The following RNF157 variants were observed in gnomAD, a reference collection of about 807,000 sequenced individuals.
RNF157 encodes ring finger protein 157.
Under a neutral mutation model 88.3 loss-of-function variants are expected in RNF157, and 55 were observed. The ratio of observed to expected loss-of-function variants is 0.62; its 90% CI spans 0.50 to 0.78. The LOEUF is 0.78. Among genes scored for constraint, RNF157 ranks in the 30% least tolerant of loss-of-function variants. The pLI is 0.00. For synonymous variants in RNF157, 334 were observed against 341.2 expected, an observed-to-expected ratio of 0.98 and a Z score of 0.23; for missense variants, 788 against 860.8, an observed-to-expected ratio of 0.92 and a Z score of 1.06.
intron 2 of RNF157, among the ~76,000 whole-genome samples, chr17:76,175,993 T>C (rs1010540416): frequency 1.3e-5 from 2 of 152,226 alleles, no homozygotes; most frequent in African/African-American, 4.8e-5. Flanking sequence ...AGGCTCTCCC[T>C]GTACACACAC....
chr17:76,158,389 T>G lies in RNF157; in HGVS notation c.1413+4A>C. On this transcript the variant is annotated splice_donor_region_variant and intron_variant, in intron 13 of 18. Transcript: ENST00000269391. ...CCCAAGAAGAGGAGAGGAATGTCAA[T>G]TACCTCTCCGAGATGCTGAACCGAC... 6.3e-7 allele frequency: 1 copy of G among 1,586,570 alleles called. No homozygotes were observed. Among genetic ancestry groups the G allele is most frequent in the South Asian group, 1.1e-5 (1 of 90,528 alleles).
chr17:76,199,315 G>A (rs1049435999), intron 2 of RNF157, among the ~76,000 whole-genome samples: 16 of 152,156 alleles, frequency 1.1e-4, no homozygotes, highest in African/African-American at 2.9e-4. Flanking sequence ...GGAGTGCAGT[G>A]GCTTGATCAC....
At chr17:76,220,385 TAAA>T (rs34888046) in intron 1 of RNF157, among the ~76,000 whole-genome samples, 18,851 of 128,600 alleles carry the variant, frequency 0.15, 1,822 homozygotes, top group African/African-American at 0.27. Flanking sequence ...TAATGATATC[TAAA>T]AAAAAAAAAA....
rs566431780 is a variant in RNF157 at position 76,198,587 on chromosome 17, G to A, written c.207+13777C>T. Among the ~76,000 whole-genome samples the A allele has an allele frequency of 3.1e-3, 479 of 152,278 alleles. 3 individuals carry two copies. The highest frequency in any genetic ancestry group is 0.011 in the African/African-American group (442 of 41,542). ...TACCAGCATAGGTTCTGCCGTATAC[G>A]TCAGTGTCCTCTTCATTCCTTCTGC... On this transcript the variant is annotated intron_variant, in intron 2 of 18. Coordinates refer to ENST00000269391, the MANE Select transcript of RNF157 (RefSeq NM_052916.3).
At chr17:76,229,840 A>G (rs992612436) in intron 1 of RNF157, among the ~76,000 whole-genome samples, 4 of 152,202 alleles carry the variant, frequency 2.6e-5, no homozygotes, top group Admixed American at 6.5e-5. Flanking sequence ...ATAAGAGTGA[A>G]GAGTCAAAAA....
At chr17:76,158,274 G>A in intron 13 of RNF157, 119 bp downstream of exon 13, 1 of 721,574 alleles carries the variant, frequency 1.4e-6, no homozygotes, top group South Asian at 1.5e-5. Flanking sequence ...CACTGCCTCA[G>A]AGGGTGCTGA....
chr17:76,226,592 T>C (rs2070090735), intron 1 of RNF157: 15 of 1,613,528 alleles, frequency 9.3e-6, no homozygotes, highest in Non-Finnish European at 1.2e-5. Flanking sequence ...CTTGCTGTTG[T>C]TGGAGGGACT....
intron 17 of RNF157, among the ~76,000 whole-genome samples, chr17:76,152,844 C>T (rs2068702210): frequency 6.6e-6 from 1 of 152,236 alleles, no homozygotes; most frequent in African/African-American, 2.4e-5. Flanking sequence ...TCATCCTGCT[C>T]ATGCCTGCAT....
At chr17:76,231,225 C>T (rs2070187189) in intron 1 of RNF157, among the ~76,000 whole-genome samples, 1 of 152,172 alleles carries the variant, frequency 6.6e-6, no homozygotes, top group Admixed American at 6.5e-5. Context: ...TCTCGATCTC[C>T]TGACCTCATG....
At chr17:76,207,469 G>C (rs1199950584) in intron 2 of RNF157, among the ~76,000 whole-genome samples, 3 of 152,048 alleles carry the variant, frequency 2.0e-5, no homozygotes, top group Non-Finnish European at 4.4e-5. Context: ...CTAAGTGGTA[G>C]ATCTGTGGTG....
chr17:76,208,973 CA>C (rs10699377), intron 2 of RNF157, among the ~76,000 whole-genome samples: 1,350 of 119,800 alleles, frequency 0.011, 8 homozygotes, highest in African/African-American at 0.026. Context: ...GACTCTGCCT[CA>C]AAAAAAAAAA....
At chr17:76,175,695 A>G in intron 2 of RNF157, 2 of 934,210 alleles carry the variant, frequency 2.1e-6, no homozygotes, top group Non-Finnish European at 2.6e-6. Context: ...TGGAGTAGCA[A>G]AGTTAATCAT....
intron 2 of RNF157, among the ~76,000 whole-genome samples, chr17:76,194,055 T>G (rs2069432172): frequency 6.6e-6 from 1 of 152,226 alleles, no homozygotes. Context: ...CACATTCTGT[T>G]TTTTTGTTGG....
At chr17:76,202,128 T>TCTCTCTCTCTCTCACACA (rs1250661867) in intron 2 of RNF157, among the ~76,000 whole-genome samples, 21 of 134,662 alleles carry the variant, frequency 1.6e-4, no homozygotes, top group African/African-American at 6.2e-4. Context: ...TCTCTCTCTC[T>TCTCTCTCTCTCTCACACA]CACACACACA....
At chr17:76,192,797 G>C (rs1308013304) in intron 2 of RNF157, among the ~76,000 whole-genome samples, 1 of 151,164 alleles carries the variant, frequency 6.6e-6, no homozygotes, top group Non-Finnish European at 1.5e-5. Context: ...GATATCAACA[G>C]CCAGAAGACA....
intron 2 of RNF157, among the ~76,000 whole-genome samples, chr17:76,174,199 T>G (rs188097049): frequency 6.6e-6 from 1 of 152,164 alleles, no homozygotes; most frequent in Non-Finnish European, 1.5e-5. Flanking sequence ...TTTCCTTCGG[T>G]GAGGCCATGC....
At chr17:76,167,184 CA>C in intron 4 of RNF157, 58 bp from the exon 5 acceptor site, 1 of 1,209,710 alleles carries the variant, frequency 8.3e-7, no homozygotes. Context: ...ATGGGTCTGA[CA>C]ACTTCCTCTG....
intron 2 of RNF157, among the ~76,000 whole-genome samples, chr17:76,211,624 C>G (rs2069801816): frequency 6.6e-6 from 1 of 152,146 alleles, no homozygotes; most frequent in Non-Finnish European, 1.5e-5. Context: ...TAGCTTCTGT[C>G]ATTATTCATC....
At chr17:76,224,074 C>T (rs1427849680) in intron 1 of RNF157, among the ~76,000 whole-genome samples, 2 of 152,112 alleles carry the variant, frequency 1.3e-5, no homozygotes, top group African/African-American at 4.8e-5. Context: ...ACTGAGGGAG[C>T]CCTACCCTAT....
Sources: allele counts gnomAD v4.1 joint callset (sites outside exome capture counted in the v4.1 genomes callset), GRCh38; gene constraint gnomAD v4.1.1; transcripts MANE v1.5; gene names NCBI Gene and HGNC (gene_info 2026-07-23, HGNC 2026-07-21).